Variants in IL1RAP observed in about 807,000 individuals in gnomAD.
IL1RAP encodes interleukin-1 receptor accessory protein.
A neutral mutation model predicts 60.7 loss-of-function variants in IL1RAP; 35 were observed. The ratio of observed to expected loss-of-function variants is 0.58; its 90% CI spans 0.44 to 0.76. The LOEUF (loss-of-function observed/expected upper bound fraction) is 0.76, where lower values mean the gene tolerates loss of function less well. IL1RAP is among the 30% of genes least tolerant of loss of function. The pLI is 0.00. For synonymous variants in IL1RAP, 268 were observed against 250.9 expected, an observed-to-expected ratio of 1.07 and a Z score of -0.64; for missense variants, 572 against 693.9, an observed-to-expected ratio of 0.82 and a Z score of 1.97.
chr3:190,555,167 AC>A (rs1270152285), intron 1 of IL1RAP, among the ~76,000 whole-genome samples: 1 of 152,134 alleles, frequency 6.6e-6, no homozygotes, highest in Non-Finnish European at 1.5e-5. Flanking sequence ...TAATTTCCTA[AC>A]CTGGAGGTGA....
intron 1 of IL1RAP, among the ~76,000 whole-genome samples, chr3:190,522,162 T>C (rs954650155): frequency 6.6e-6 from 1 of 151,842 alleles, no homozygotes; most frequent in Non-Finnish European, 1.5e-5. Flanking sequence ...ATGAATAGAG[T>C]AGATCGTAAG....
intron 3 of IL1RAP, among the ~76,000 whole-genome samples, chr3:190,576,419 G>C (rs10937442): frequency 0.48 from 73,094 of 151,842 alleles, 18,210 homozygotes; most frequent in East Asian, 0.88. Context: ...TGGAAAAATT[G>C]GCAAAGATTT....
chr3:190,634,707 G>GTTTTTTTTTTTTTTT lies in IL1RAP; in HGVS notation c.1051+5220_1051+5221insTTTTTTTTTTTTTTT, dbSNP rs1167445179. 1.9e-4 allele frequency among the ~76,000 whole-genome samples: 26 copies of GTTTTTTTTTTTTTTT among 134,706 alleles called. 3 individuals carry two copies. The highest frequency in any genetic ancestry group is 7.1e-4 in the African/African-American group (24 of 33,654). The allele number at this position is 134,706 out of a possible 152,430, so 88.4% of individuals were successfully genotyped here. On this transcript the variant is annotated intron_variant, in intron 9 of 11. Coordinates refer to ENST00000447382, the MANE Select transcript of IL1RAP (RefSeq NM_002182.4). ...TCATATAACTATCTGGGCCTGTTGT[G>GTTTTTTTTTTTTTTT]TTTTTTTTTTTGTTGTTGTTTTTTT... is the stretch of plus-strand genomic sequence containing the variant.
chr3:190,523,175 A>G (rs191810851), intron 1 of IL1RAP, among the ~76,000 whole-genome samples: 3 of 152,216 alleles, frequency 2.0e-5, no homozygotes, highest in East Asian at 3.9e-4. Flanking sequence ...GTCTTTTTCA[A>G]TATCTCCTCA....
chr3:190,637,706 T>C (rs1733331790), intron 9 of IL1RAP, among the ~76,000 whole-genome samples: 1 of 152,172 alleles, frequency 6.6e-6, no homozygotes, highest in South Asian at 2.1e-4. Flanking sequence ...CCTAATATCC[T>C]ATTAAGATAT....
At chr3:190,593,664 C>A (rs1729133671) in intron 3 of IL1RAP, among the ~76,000 whole-genome samples, 1 of 152,028 alleles carries the variant, frequency 6.6e-6, no homozygotes, top group African/African-American at 2.4e-5. Context: ...ACCGTCAGAT[C>A]TCGTGAGACG....
chr3:190,540,814 A>G (rs1723868496), intron 1 of IL1RAP, among the ~76,000 whole-genome samples: 1 of 152,144 alleles, frequency 6.6e-6, no homozygotes, highest in Non-Finnish European at 1.5e-5. Flanking sequence ...TGTGATGTAC[A>G]TCACAGGTAA....
chr3:190,644,050 G>A, intron 9 of IL1RAP, 198 bp from the exon 10 acceptor site: 13 of 799,246 alleles, frequency 1.6e-5, no homozygotes, highest in Non-Finnish European at 2.0e-5. Context: ...TCTATGCCAG[G>A]TGCTGGAAAC....
In IL1RAP at chr3:190,650,416, T is replaced by C; in HGVS notation, c.*1711T>C. The C allele has an allele frequency of 1.0e-6, 1 of 985,408 alleles. No individual in the cohort carries two copies. The highest frequency in any genetic ancestry group is 1.2e-6 in the Non-Finnish European group (1 of 829,892). 61.0% of individuals were successfully genotyped at this position (985,408 alleles called of 1,614,324 possible). On this transcript the variant is annotated 3_prime_UTR_variant, in exon 12 of 12. Transcript: ENST00000447382. ...CTACTATATTCCCAGCAGACACATT[T>C]AGAAACTAAGCTATGTTAACCTCAG...
chr3:190,612,865 T>C (rs1164733791), intron 5 of IL1RAP, among the ~76,000 whole-genome samples: 2 of 152,210 alleles, frequency 1.3e-5, no homozygotes, highest in East Asian at 1.9e-4. Flanking sequence ...TTTTGACTTA[T>C]GATAGGTTTG....
intron 1 of IL1RAP, among the ~76,000 whole-genome samples, chr3:190,541,833 C>T (rs1351947111): frequency 6.6e-6 from 1 of 152,044 alleles, no homozygotes; most frequent in Admixed American, 6.6e-5. Context: ...CCAACCTATT[C>T]GAAATGCCCA....
Position 190,648,783 on chromosome 3 carries a change from A to G in IL1RAP, c.*78A>G. On this transcript the variant is annotated 3_prime_UTR_variant, in exon 12 of 12. Transcript: ENST00000447382. ...TCCCCCCAGTCTTCATTCGCAGTTT[A>G]TGGTTTCATAGGCAAAAATAATGGT... 6.6e-7 allele frequency: 1 copy of G among 1,504,314 alleles called. No homozygotes were observed. The highest frequency in any genetic ancestry group is 8.9e-7 in the Non-Finnish European group (1 of 1,129,238). The allele number at this position is 1,504,314 out of a possible 1,614,324, so 93.2% of individuals were successfully genotyped here.
At chr3:190,630,874 A>G (rs1433179512) in intron 9 of IL1RAP, among the ~76,000 whole-genome samples, 1 of 152,180 alleles carries the variant, frequency 6.6e-6, no homozygotes, top group East Asian at 1.9e-4. Context: ...TTTAAAGTAG[A>G]CACAATAATA....
chr3:190,615,531 A>C (rs1484530400), intron 5 of IL1RAP, among the ~76,000 whole-genome samples: 2 of 152,228 alleles, frequency 1.3e-5, no homozygotes, highest in African/African-American at 4.8e-5. Flanking sequence ...CCGAGGATCA[A>C]AAGAACCATT....
At chr3:190,583,809 A>C (rs1188706096) in intron 3 of IL1RAP, among the ~76,000 whole-genome samples, 5 of 152,342 alleles carry the variant, frequency 3.3e-5, no homozygotes, top group Admixed American at 3.3e-4. Context: ...TGATTAAATA[A>C]TTGCCTCTGC....
intron 4 of IL1RAP, 22 bp from the exon 5 acceptor site, chr3:190,608,973 C>G: frequency 6.3e-7 from 1 of 1,594,506 alleles, no homozygotes; most frequent in Non-Finnish European, 8.6e-7. Context: ...ACTACCCATT[C>G]ATTGTATATT....
At chr3:190,656,819 C>T (rs1441842310) in exon 12 of IL1RAP, 1 of 456,838 alleles carries the variant, frequency 2.2e-6, no homozygotes, top group Non-Finnish European at 3.8e-6. Context: ...AGAGCACACT[C>T]TTCTTGGGCC....
At chr3:190,590,549 C>T (rs1462558778) in intron 3 of IL1RAP, among the ~76,000 whole-genome samples, 1 of 152,184 alleles carries the variant, frequency 6.6e-6, no homozygotes, top group Non-Finnish European at 1.5e-5. Context: ...AGCCACCGTG[C>T]CTGGCCAGGA....
Position 190,607,825 on chromosome 3 carries a change from A to C in IL1RAP, c.351-1170A>C, listed in dbSNP as rs9837349. Among the ~76,000 whole-genome samples, 758 of 151,986 alleles carry C rather than the reference A, an allele frequency of 5.0e-3. 10 individuals carry two copies. The highest frequency in any genetic ancestry group is 0.017 in the African/African-American group (718 of 41,442). ...TTCTTGATAATATTCCATTTGTCAC[A>C]TTTTCTTCTATTGATTTTAATGTTT... On this transcript the variant is annotated intron_variant, in intron 4 of 11. Coordinates refer to ENST00000447382, the MANE Select transcript of IL1RAP (RefSeq NM_002182.4).
Sources: gnomAD v4.1 joint callset for allele counts (sites outside exome capture counted in the v4.1 genomes callset) on GRCh38, gnomAD v4.1.1 for gene constraint, MANE v1.5 for transcripts, NCBI Gene and HGNC (gene_info 2026-07-23, HGNC 2026-07-21) for gene names.